The following S100A3 variants were observed in gnomAD, a reference collection of about 807,000 sequenced individuals.
The protein encoded by S100A3 is S100 calcium binding protein A3, also known as protein S100-A3.
S100A3 carries 11 observed loss-of-function variants against 8.0 expected under a neutral mutation model. The ratio of observed to expected loss-of-function variants is 1.37; its 90% CI spans 0.86 to 2.27. The LOEUF is 2.27. Ranked by LOEUF, S100A3 falls within the 30% of genes most tolerant of loss-of-function variation. The probability of loss-of-function intolerance (pLI) is 0.00; values close to 1 mark genes in which losing one functional copy is unlikely to be tolerated. For synonymous variants in S100A3, 43 were observed against 49.6 expected (o/e 0.87, Z 0.56); for missense variants, 124 against 127.1 (o/e 0.98, Z 0.12).
In S100A3 at chr1:153,547,757, G is replaced by A; in HGVS notation, c.231C>T (p.Arg77=). 1 of 1,614,064 alleles carries A rather than the reference G, an allele frequency of 6.2e-7. No homozygotes were observed. The highest frequency in any genetic ancestry group is 8.5e-7 in the Non-Finnish European group (1 of 1,179,952). ...AGTAGAGACAGAGGCAGGCAAGTGA[G>A]CGCACATACTCCACAAAGTCCACCT... is the stretch of plus-strand genomic sequence containing the variant. ...DCEVDFVEYV[R]SLACLCLYCH... is the part of the protein sequence containing the mutation. Residue 77 remains arginine (R), a synonymous_variant, in exon 3 of 3, where the codon CGC becomes CGT. Coordinates refer to ENST00000368713, the MANE Select transcript of S100A3 (RefSeq NM_002960.2). This position sits in a 1 kb window ranked among gnomAD's most constrained non-coding sequence, Gnocchi z 4.0.
intron 1 of S100A3, 42 bp from the exon 2 acceptor site, chr1:153,548,532 C>T: frequency 2.0e-6 from 3 of 1,535,146 alleles, no homozygotes; most frequent in Non-Finnish European, 2.6e-6. Flanking sequence ...GAGTTCCAGG[C>T]CAGCCCCCCA....
In S100A3 at chr1:153,547,662, C is replaced by T. The variant is rs41265162; in HGVS notation, c.*20G>A. ...GACATGCCCAGCCCCCGACAGCCAG[C>T]GCACCCCCTGGAGCAGAGGCTACTG... On this transcript the variant is annotated 3_prime_UTR_variant, in exon 3 of 3. Transcript: ENST00000368713. The surrounding 1 kb of genome is among the most constrained non-coding windows in gnomAD (Gnocchi z 4.0). 111,636 of 1,608,890 alleles carry T rather than the reference C, an allele frequency of 0.069. 8,362 individuals carry two copies. Among genetic ancestry groups the T allele is most frequent in the African/African-American group, 0.39 (29,366 of 74,838 alleles).
At chr1:153,548,171 T>C (rs945566526) in intron 2 of S100A3, among the ~76,000 whole-genome samples, 174 bp downstream of exon 2, 1 of 152,156 alleles carries the variant, frequency 6.6e-6, no homozygotes, top group Non-Finnish European at 1.5e-5. Context: ...ATTTTACAGA[T>C]GAGGAAGCTG....
At position 153,547,846 on chromosome 1, in the gene S100A3, T is replaced by C. The variant is rs746150745; in HGVS notation, c.142A>G (p.Thr48Ala). The C allele has an allele frequency of 6.2e-7, 1 of 1,613,362 alleles. No individual in the cohort carries two copies. The highest frequency in any genetic ancestry group is 8.5e-7 in the Non-Finnish European group (1 of 1,179,580). ...LQKELATWTP[T>A]EFRECDYNKF... Reference sequence around the variant, plus strand: ...TTGTAGTCACATTCCCGAAACTCAGTCTGTGCAAGGGAAGGGTTGGGAGAG... The same window carrying C: ...TTGTAGTCACATTCCCGAAACTCAGCCTGTGCAAGGGAAGGGTTGGGAGAG... The change falls in exon 3 of 3, where the codon ACT becomes GCT. Residue 48 changes from threonine to alanine, a missense_variant and splice_region_variant. Coordinates refer to ENST00000368713, the MANE Select transcript of S100A3 (RefSeq NM_002960.2). This position sits in a 1 kb window ranked among gnomAD's most constrained non-coding sequence, Gnocchi z 4.0.
At chr1:153,548,996 C>T (rs58072118) in intron 1 of S100A3, 185 bp downstream of exon 1, 21,306 of 154,070 alleles carry the variant, frequency 0.14, 2,886 homozygotes, top group African/African-American at 0.35. Context: ...GTCTGAGAGG[C>T]GCCCCCACAG....
Position 153,547,951 on chromosome 1 carries a change from C to A in S100A3, c.142-105G>T. 8.1e-7 allele frequency: 1 copy of A among 1,235,992 alleles called. No individual in the cohort carries two copies. The highest frequency in any genetic ancestry group is 1.2e-6 in the Non-Finnish European group (1 of 867,878). The allele number at this position is 1,235,992 out of a possible 1,614,324, so 76.6% of individuals were successfully genotyped here. ...CCTCTCCCAAGTGGACCCACCCCAC[C>A]CCAAACTACACCCTTCTGAGGGCCG... On this transcript the variant is annotated intron_variant, in intron 2 of 2. Coordinates refer to ENST00000368713, the MANE Select transcript of S100A3 (RefSeq NM_002960.2). This position sits in a 1 kb window ranked among gnomAD's most constrained non-coding sequence, Gnocchi z 4.0.
chr1:153,548,618 C>T lies in S100A3; in HGVS notation c.-5-128G>A, dbSNP rs907044944. 3 of 1,224,662 alleles carry T rather than the reference C, an allele frequency of 2.4e-6. No homozygotes were observed. The African/African-American group carries it at 4.6e-5, about 19-fold the overall frequency. 75.9% of individuals were successfully genotyped at this position (1,224,662 alleles called of 1,614,324 possible). On this transcript the variant is annotated intron_variant, in intron 1 of 2. Transcript: ENST00000368713. The stretch of plus-strand genomic sequence containing the variant: ...AACCTCCATCAGGCTTCAGGCCCCG[C>T]AGTCTCCCCCTCCTCTGAGTAGCCC...
In S100A3 at chr1:153,547,652, C is replaced by T. The variant is rs766619210; in HGVS notation, c.*30G>A. ...GGGTGTGGGAGACATGCCCAGCCCC[C>T]GACAGCCAGCGCACCCCCTGGAGCA... On this transcript the variant is annotated 3_prime_UTR_variant, in exon 3 of 3. Coordinates refer to ENST00000368713, the MANE Select transcript of S100A3 (RefSeq NM_002960.2). The surrounding 1 kb of genome is among the most constrained non-coding windows in gnomAD (Gnocchi z 4.0). 3 of 1,608,064 alleles carry T rather than the reference C, an allele frequency of 1.9e-6. No homozygotes were observed. The highest frequency in any genetic ancestry group is 2.2e-5 in the East Asian group (1 of 44,800).
At position 153,547,876 on chromosome 1, in the gene S100A3, G is replaced by A. The variant is rs199863069; in HGVS notation, c.142-30C>T. ...GCAAGGGAAGGGTTGGGAGAGGTAA[G>A]GGAGTAGGATGAGGAGGGCAGAACA... On this transcript the variant is annotated intron_variant, in intron 2 of 2. Transcript: ENST00000368713. The surrounding 1 kb of genome is among the most constrained non-coding windows in gnomAD (Gnocchi z 4.0). 1.6e-3 allele frequency: 2,535 copies of A among 1,602,868 alleles called. 3 individuals carry two copies. The highest frequency in any genetic ancestry group is 1.9e-3 in the Non-Finnish European group (2,224 of 1,172,012).
At position 153,547,418 on chromosome 1, in the gene S100A3, G is replaced by T; in HGVS notation, c.*264C>A. The T allele has an allele frequency of 2.1e-6, 1 of 471,230 alleles. No homozygotes were observed. Among genetic ancestry groups the T allele is most frequent in the Non-Finnish European group, 3.8e-6 (1 of 261,906 alleles). The allele number at this position is 471,230 out of a possible 1,614,324, so 29.2% of individuals were successfully genotyped here. ...GCTCTGCTGAGCCTCGAGGGCCTCAGAGCAGATCCCGCCTCCTCCCATCCA... is the reference window on the plus strand; with the variant it reads ...GCTCTGCTGAGCCTCGAGGGCCTCATAGCAGATCCCGCCTCCTCCCATCCA... On this transcript the variant is annotated 3_prime_UTR_variant, in exon 3 of 3. Coordinates refer to ENST00000368713, the MANE Select transcript of S100A3 (RefSeq NM_002960.2). The surrounding 1 kb of genome is among the most constrained non-coding windows in gnomAD (Gnocchi z 4.0).
chr1:153,548,348 G>C lies in S100A3; in HGVS notation c.138C>G (p.Thr46=), dbSNP rs182065777. Residue 46 remains threonine (T), a synonymous_variant, in exon 2 of 3, where the codon ACC becomes ACG. Coordinates refer to ENST00000368713, the MANE Select transcript of S100A3 (RefSeq NM_002960.2). ...GACGGACACTCTGACTGCTCACCGG[G>C]GTCCAGGTGGCCAGCTCCTTCTGCA... ...ELLQKELATW[T]PTEFRECDYN... 2.8e-5 allele frequency: 45 copies of C among 1,613,622 alleles called. No individual in the cohort carries two copies. In the East Asian group the frequency reaches 9.6e-4, roughly 34 times the overall value.
chr1:153,548,217 C>G, intron 2 of S100A3, 128 bp downstream of exon 2: 1 of 1,235,900 alleles, frequency 8.1e-7, no homozygotes. Context: ...CCTCCCACTC[C>G]CTCCTCACAA....
chr1:153,547,425 T>G lies in S100A3; in HGVS notation c.*257A>C, dbSNP rs1571240509. On this transcript the variant is annotated 3_prime_UTR_variant, in exon 3 of 3. Coordinates refer to ENST00000368713, the MANE Select transcript of S100A3 (RefSeq NM_002960.2). This position sits in a 1 kb window ranked among gnomAD's most constrained non-coding sequence, Gnocchi z 4.0. The stretch of plus-strand genomic sequence containing the variant: ...TGAGCCTCGAGGGCCTCAGAGCAGA[T>G]CCCGCCTCCTCCCATCCACAAGGGA... 2.1e-6 allele frequency: 1 copy of G among 482,308 alleles called. No homozygotes were observed. Among genetic ancestry groups the G allele is most frequent in the Non-Finnish European group, 3.7e-6 (1 of 268,408 alleles). 29.9% of individuals were successfully genotyped at this position (482,308 alleles called of 1,614,324 possible). A position where few individuals can be genotyped will look rare whatever the true frequency, so the allele number is the denominator to read the frequency against.
intron 1 of S100A3, 125 bp from the exon 2 acceptor site, chr1:153,548,615 C>A: frequency 7.9e-7 from 1 of 1,260,606 alleles, no homozygotes; most frequent in Non-Finnish European, 1.1e-6. Context: ...GCTTCAGGCC[C>A]CGCAGTCTCC....
At chr1:153,548,706 T>TAG (rs1412845142) in intron 1 of S100A3, among the ~76,000 whole-genome samples, 1 of 152,116 alleles carries the variant, frequency 6.6e-6, no homozygotes, top group South Asian at 2.1e-4. Flanking sequence ...TTTCCCCATG[T>TAG]AGAGGTCTCA....
At chr1:153,548,253 T>G in intron 2 of S100A3, 92 bp downstream of exon 2, 1 of 1,532,884 alleles carries the variant, frequency 6.5e-7, no homozygotes, top group Non-Finnish European at 8.9e-7. Flanking sequence ...TGCTGTCCTG[T>G]GCTCATGCTT....
intron 2 of S100A3, 122 bp downstream of exon 2, chr1:153,548,223 C>A: frequency 6.0e-6 from 8 of 1,325,930 alleles, no homozygotes; most frequent in Non-Finnish European, 7.3e-6. Flanking sequence ...ACTCCCTCCT[C>A]ACAATCCAGC....
intron 2 of S100A3, 36 bp downstream of exon 2, chr1:153,548,309 C>T (rs764732355): frequency 1.9e-6 from 3 of 1,611,808 alleles, no homozygotes; most frequent in South Asian, 1.1e-5. Context: ...GTGCCTCCCC[C>T]CGGAGGAGGA....
chr1:153,547,582 T>G lies in S100A3; in HGVS notation c.*100A>C, dbSNP rs1018749745. The G allele has an allele frequency of 2.9e-6, 4 of 1,366,264 alleles. No individual in the cohort carries two copies. The highest frequency in any genetic ancestry group is 1.5e-5 in the African/African-American group (1 of 68,306). The allele number at this position is 1,366,264 out of a possible 1,614,324, so 84.6% of individuals were successfully genotyped here. On this transcript the variant is annotated 3_prime_UTR_variant, in exon 3 of 3. Transcript: ENST00000368713. The surrounding 1 kb of genome is among the most constrained non-coding windows in gnomAD (Gnocchi z 4.0). ...ATGGGTTAACTGATCGCAGAAGACC[T>G]GGGCAAGTCCAGATTGAAAGGGGTA... is the stretch of plus-strand genomic sequence containing the variant.
Sources: allele counts gnomAD v4.1 joint callset (sites outside exome capture counted in the v4.1 genomes callset), GRCh38; gene constraint gnomAD v4.1.1; non-coding constraint Gnocchi (gnomAD v3.1); transcripts MANE v1.5; gene names NCBI Gene and HGNC (gene_info 2026-07-23, HGNC 2026-07-21).